The following CCDC192 variants were observed in gnomAD, a reference collection of about 807,000 sequenced individuals.
CCDC192 encodes coiled-coil domain-containing protein 192.
chr5:127,878,382 G>A (rs750871537), intron 6 of CCDC192, among the ~76,000 whole-genome samples: 7 of 152,250 alleles, frequency 4.6e-5, no homozygotes, highest in Non-Finnish European at 7.3e-5. Context: ...GGGAGTAAAT[G>A]TGGGGAAGGA....
intron 6 of CCDC192, among the ~76,000 whole-genome samples, chr5:127,909,559 G>A (rs1753289459): frequency 6.6e-6 from 1 of 151,646 alleles, no homozygotes; most frequent in Admixed American, 6.6e-5. Flanking sequence ...TGTGTCCTTA[G>A]TATACAATAG....
chr5:127,916,183 C>T (rs1401666177), intron 6 of CCDC192, among the ~76,000 whole-genome samples: 2 of 152,230 alleles, frequency 1.3e-5, no homozygotes, highest in African/African-American at 4.8e-5. Context: ...TGCTTATCCG[C>T]AAGAAGCAAC....
At chr5:127,903,523 G>C (rs917046420) in intron 6 of CCDC192, among the ~76,000 whole-genome samples, 1 of 152,172 alleles carries the variant, frequency 6.6e-6, no homozygotes, top group Non-Finnish European at 1.5e-5. Context: ...GATTACAGGG[G>C]TGGGCCACCG....
intron 5 of CCDC192, among the ~76,000 whole-genome samples, chr5:127,850,933 T>C (rs1750768650): frequency 6.6e-6 from 1 of 152,116 alleles, no homozygotes; most frequent in African/African-American, 2.4e-5. Flanking sequence ...ACCACTGCAC[T>C]CCAGCCTGGG....
chr5:127,874,728 G>A (rs1751996260), intron 5 of CCDC192, among the ~76,000 whole-genome samples: 3 of 152,162 alleles, frequency 2.0e-5, no homozygotes, highest in Admixed American at 2.0e-4. Flanking sequence ...CAGTGGAAAG[G>A]TAGCTATACA....
chr5:127,854,275 T>C (rs1158191955), intron 5 of CCDC192, among the ~76,000 whole-genome samples: 1 of 152,202 alleles, frequency 6.6e-6, no homozygotes, highest in Non-Finnish European at 1.5e-5. Context: ...TCTCTTCAAT[T>C]AAATGCCTTC....
rs73343085 is a variant in CCDC192, at chr5:127,710,682, C to T, written c.114+2922C>T. Among the ~76,000 whole-genome samples the T allele has an allele frequency of 6.9e-3, 1,044 of 152,138 alleles. 8 individuals carry two copies. The highest frequency in any genetic ancestry group is 0.024 in the African/African-American group (980 of 41,518). Reference sequence around the variant, plus strand: ...TTGAAATTCCCTGTCCCTCTGAATCCGTAGAGCAGCCCATGAGGGTGGTGT... The same window carrying T: ...TTGAAATTCCCTGTCCCTCTGAATCTGTAGAGCAGCCCATGAGGGTGGTGT... On this transcript the variant is annotated intron_variant, in intron 2 of 6. Transcript: ENST00000514853.
At position 127,939,687 on chromosome 5, in the gene CCDC192, GTTTT is replaced by G. The variant is rs34470118; in HGVS notation, c.536-1483_536-1480del. On this transcript the variant is annotated intron_variant, in intron 6 of 6. Coordinates refer to ENST00000514853, the MANE Select transcript of CCDC192 (RefSeq NM_001317938.2). Reference sequence around the variant, plus strand: ...TTGTTGAGAAACGGGTTATTTTTATGTTTTTTTTTTTTTTTGCCTGCGCGCACTA... The same window carrying G: ...TTGTTGAGAAACGGGTTATTTTTATGTTTTTTTTTTTGCCTGCGCGCACTA... Among the ~76,000 whole-genome samples, 1,130 of 144,786 alleles carry G rather than the reference GTTTT, an allele frequency of 7.8e-3. 6 individuals are homozygous for G. Among genetic ancestry groups the G allele is most frequent in the Non-Finnish European group, 0.01 (681 of 65,668 alleles). The allele number at this position is 144,786 out of a possible 152,430, so 95.0% of individuals were successfully genotyped here. A position where few individuals can be genotyped will look rare whatever the true frequency, so the allele number is the denominator to read the frequency against.
chr5:127,749,119 A>G (rs1423491148), intron 2 of CCDC192, among the ~76,000 whole-genome samples: 1 of 152,038 alleles, frequency 6.6e-6, no homozygotes, highest in African/African-American at 2.4e-5. Context: ...TCTCCTGCCT[A>G]ATTGCCCTGG....
At chr5:127,915,591 C>T (rs1302609942) in intron 6 of CCDC192, among the ~76,000 whole-genome samples, 1 of 152,210 alleles carries the variant, frequency 6.6e-6, no homozygotes, top group Non-Finnish European at 1.5e-5. Context: ...CCATGTTGGC[C>T]AGGATGGTCT....
rs1191928135 is a variant in CCDC192 at position 127,811,228 on chromosome 5, G to C, written c.411+13066G>C. 3.3e-5 allele frequency among the ~76,000 whole-genome samples: 5 copies of C among 152,160 alleles called. No homozygotes were observed. The East Asian group carries it at 9.7e-4, about 29-fold the overall frequency. ...TTTCTACTTCCTTTTCTTTTTCAAA[G>C]CACCAATCTCCATTCCCTCCCTTGT... On this transcript the variant is annotated intron_variant, in intron 5 of 6. Coordinates refer to ENST00000514853, the MANE Select transcript of CCDC192 (RefSeq NM_001317938.2).
chr5:127,899,664 G>A (rs567874932), intron 6 of CCDC192, among the ~76,000 whole-genome samples: 16 of 152,176 alleles, frequency 1.1e-4, no homozygotes, highest in African/African-American at 2.9e-4. Flanking sequence ...TTCTAAGCTC[G>A]TTTGTGGGCT....
At chr5:127,732,459 G>A (rs1752695714) in intron 2 of CCDC192, among the ~76,000 whole-genome samples, 3 of 152,182 alleles carry the variant, frequency 2.0e-5, no homozygotes, top group Non-Finnish European at 4.4e-5. Context: ...CATGTAACAA[G>A]AAATACCATT....
intron 6 of CCDC192, among the ~76,000 whole-genome samples, chr5:127,887,678 A>G (rs1009022066): frequency 4.0e-5 from 6 of 151,796 alleles, no homozygotes; most frequent in Admixed American, 3.9e-4. Context: ...TATGTGTAAC[A>G]TTAATTAATT....
At chr5:127,760,880 G>A (rs1401270287) in intron 3 of CCDC192, among the ~76,000 whole-genome samples, 1 of 152,078 alleles carries the variant, frequency 6.6e-6, no homozygotes, top group East Asian at 1.9e-4. Flanking sequence ...GGAGTCGTAT[G>A]ATGAGACTCC....
intron 6 of CCDC192, chr5:127,940,440 GTTAT>G (rs70997354): frequency 0.59 from 87,777 of 149,754 alleles, 26,443 homozygotes; most frequent in East Asian, 0.92. Context: ...CAACCTTTTC[GTTAT>G]TTATTTATTT....
intron 6 of CCDC192, among the ~76,000 whole-genome samples, chr5:127,910,075 G>C (rs958541809): frequency 1.3e-5 from 2 of 152,200 alleles, no homozygotes; most frequent in Non-Finnish European, 2.9e-5. Context: ...ATAAGAAGAT[G>C]AAAACAATCA....
At position 127,770,873 on chromosome 5, in the gene CCDC192, G is replaced by A. The variant is rs138204732; in HGVS notation, c.222+16498G>A. Among the ~76,000 whole-genome samples, 5 of 152,242 alleles carry A rather than the reference G, an allele frequency of 3.3e-5. No individual in the cohort carries two copies. In the East Asian group the frequency reaches 9.6e-4, roughly 29 times the overall value. ...GGGTTTAATTGTGCTGAACACCCAC[G>A]GGGCAAGGGTGGACTATAATTGGCT... is the stretch of plus-strand genomic sequence containing the variant. On this transcript the variant is annotated intron_variant, in intron 3 of 6. Coordinates refer to ENST00000514853, the MANE Select transcript of CCDC192 (RefSeq NM_001317938.2).
intron 6 of CCDC192, among the ~76,000 whole-genome samples, chr5:127,901,407 TA>T (rs1753034547): frequency 6.6e-6 from 1 of 152,200 alleles, no homozygotes; most frequent in African/African-American, 2.4e-5. Context: ...TTCATTTGTA[TA>T]TATAAGGGGG....
Sources: gnomAD v4.1 joint callset for allele counts (sites outside exome capture counted in the v4.1 genomes callset) on GRCh38, gnomAD v4.1.1 for gene constraint, MANE v1.5 for transcripts, NCBI Gene and HGNC (gene_info 2026-07-23, HGNC 2026-07-21) for gene names.